The following PTPN4 variants were observed in gnomAD, a reference collection of about 807,000 sequenced individuals.
PTPN4 encodes the protein protein tyrosine phosphatase non-receptor type 4.
PTPN4 carries 49 observed loss-of-function variants against 135.5 expected under a neutral mutation model. That is an observed-to-expected ratio of 0.36 (90% CI 0.29 to 0.46). The LOEUF (loss-of-function observed/expected upper bound fraction) is 0.46. Ranked by LOEUF, PTPN4 falls within the 20% of genes least tolerant of loss-of-function variation. The pLI, the probability that PTPN4 is intolerant of heterozygous loss-of-function variation, is 1.00. For synonymous variants in PTPN4, 333 were observed against 369.9 expected (o/e 0.90, Z 1.14); for missense variants, 860 against 1,101.0 (o/e 0.78, Z 3.10).
At chr2:119,923,881 T>C (rs945683464) in intron 12 of PTPN4, among the ~76,000 whole-genome samples, 1 of 152,086 alleles carries the variant, frequency 6.6e-6, no homozygotes, top group African/African-American at 2.4e-5. Flanking sequence ...CTCACGCCTG[T>C]AATCCCAGCA....
chr2:119,939,735 C>G (rs1403260092), intron 15 of PTPN4, among the ~76,000 whole-genome samples: 1 of 152,180 alleles, frequency 6.6e-6, no homozygotes, highest in African/African-American at 2.4e-5. Context: ...CAAAGCTTTG[C>G]CTTTCCTCCA....
chr2:119,911,042 A>G (rs1666727989), intron 10 of PTPN4, among the ~76,000 whole-genome samples: 4 of 152,086 alleles, frequency 2.6e-5, no homozygotes, highest in Admixed American at 2.6e-4. Flanking sequence ...ATAATTAGAA[A>G]CCTTTTGAAC....
At chr2:119,828,029 A>G (rs1200570939) in intron 2 of PTPN4, among the ~76,000 whole-genome samples, 1 of 152,218 alleles carries the variant, frequency 6.6e-6, no homozygotes, top group Admixed American at 6.5e-5. Context: ...TGTGGCTCCC[A>G]GTCATAAGAA....
At chr2:119,961,072 G>T in intron 23 of PTPN4, 119 bp downstream of exon 23, 16 of 1,214,962 alleles carry the variant, frequency 1.3e-5, no homozygotes, top group South Asian at 5.4e-5. Flanking sequence ...CTTTTCTTGT[G>T]GTTTCTTGTT....
rs1679707736 is a variant in PTPN4, at chr2:119,982,313, G to A, written c.*5243G>A. Reference sequence around the variant, plus strand: ...TTAAAGGAGATAAAATGTTATTTGTGTGTCTTTCATGCTGTAAAGAAAATG... The same window carrying A: ...TTAAAGGAGATAAAATGTTATTTGTATGTCTTTCATGCTGTAAAGAAAATG... On this transcript the variant is annotated 3_prime_UTR_variant, in exon 27 of 27. Transcript: ENST00000263708. 6.6e-6 allele frequency: 1 copy of A among 152,042 alleles called. No homozygotes were observed. 9.4% of individuals were successfully genotyped at this position (152,042 alleles called of 1,614,324 possible).
At chr2:119,931,367 A>T (rs1433866338) in intron 13 of PTPN4, among the ~76,000 whole-genome samples, 1 of 148,446 alleles carries the variant, frequency 6.7e-6, no homozygotes, top group Non-Finnish European at 1.5e-5. Flanking sequence ...AGGGTTTATG[A>T]TCTCTGCATA....
At chr2:119,911,384 A>C (rs1678568767) in intron 10 of PTPN4, among the ~76,000 whole-genome samples, 1 of 152,158 alleles carries the variant, frequency 6.6e-6, no homozygotes, top group African/African-American at 2.4e-5. Flanking sequence ...ATACTGTTAT[A>C]ATAACATAGA....
In PTPN4 at chr2:119,981,110, C is replaced by T. The variant is rs1288565550; in HGVS notation, c.*4040C>T. 1 of 151,934 alleles carries T rather than the reference C, an allele frequency of 6.6e-6. No homozygotes were observed. Among genetic ancestry groups the T allele is most frequent in the East Asian group, 1.9e-4 (1 of 5,198 alleles). The allele number at this position is 151,934 out of a possible 1,614,324, so 9.4% of individuals were successfully genotyped here. Reference sequence around the variant, plus strand: ...TTTGAATTCATAAAAATTGTTTATACCACAATAATGTGGGATATGTTTACA... The same window carrying T: ...TTTGAATTCATAAAAATTGTTTATATCACAATAATGTGGGATATGTTTACA... On this transcript the variant is annotated 3_prime_UTR_variant, in exon 27 of 27. Coordinates refer to ENST00000263708, the MANE Select transcript of PTPN4 (RefSeq NM_002830.4).
intron 1 of PTPN4, among the ~76,000 whole-genome samples, chr2:119,771,097 G>T (rs561788688): frequency 6.6e-5 from 10 of 152,110 alleles, no homozygotes; most frequent in Non-Finnish European, 1.2e-4. Context: ...TGATTACCTT[G>T]AGACTCCCAT....
intron 2 of PTPN4, among the ~76,000 whole-genome samples, chr2:119,844,948 T>G (rs1212605969): frequency 6.6e-6 from 1 of 151,036 alleles, no homozygotes; most frequent in Non-Finnish European, 1.5e-5. Context: ...GCCACTGCAC[T>G]CCAGCCTGGG....
chr2:119,863,991 C>G (rs1378779047), intron 3 of PTPN4, among the ~76,000 whole-genome samples: 1 of 152,080 alleles, frequency 6.6e-6, no homozygotes, highest in Non-Finnish European at 1.5e-5. Context: ...AGAGTTTATT[C>G]AAGTGCAAAG....
At chr2:119,882,347 AAGAATGTT>A (rs1255379434) in intron 7 of PTPN4, among the ~76,000 whole-genome samples, 148 bp from the exon 8 acceptor site, 1 of 152,198 alleles carries the variant, frequency 6.6e-6, no homozygotes, top group Non-Finnish European at 1.5e-5. Flanking sequence ...TGAGACCAAG[AAGAATGTT>A]AAATGGATTG....
chr2:119,784,273 C>CT (rs573937387), intron 1 of PTPN4, among the ~76,000 whole-genome samples: 2,995 of 131,662 alleles, frequency 0.023, 85 homozygotes, highest in South Asian at 0.044. Context: ...TGTAGACTCC[C>CT]TTTTTTTTTT....
intron 2 of PTPN4, among the ~76,000 whole-genome samples, chr2:119,854,536 A>G (rs186151594): frequency 1.3e-5 from 2 of 152,250 alleles, no homozygotes; most frequent in Admixed American, 6.5e-5. Context: ...AGGGGCGTCA[A>G]GTGGGGAAGA....
Position 119,902,479 on chromosome 2 carries a change from C to T in PTPN4, c.764+1673C>T, listed in dbSNP as rs146889337. Among the ~76,000 whole-genome samples, 8 of 152,274 alleles carry T rather than the reference C, an allele frequency of 5.3e-5. No homozygotes were observed. The East Asian group carries it at 1.5e-3, about 29-fold the overall frequency. On this transcript the variant is annotated intron_variant, in intron 10 of 26. Coordinates refer to ENST00000263708, the MANE Select transcript of PTPN4 (RefSeq NM_002830.4). ...AATATAAGACAGGAATCTGGATCTA[C>T]AGAAAGAAAAGAAAGCAGAGAGGGG...
intron 1 of PTPN4, among the ~76,000 whole-genome samples, chr2:119,761,709 A>G (rs1286904719): frequency 6.6e-6 from 1 of 152,182 alleles, no homozygotes. Flanking sequence ...CATAATCTTC[A>G]GTGATTTATA....
At chr2:119,965,080 G>T (rs897595978) in intron 24 of PTPN4, among the ~76,000 whole-genome samples, 1 of 152,108 alleles carries the variant, frequency 6.6e-6, no homozygotes, top group Admixed American at 6.5e-5. Flanking sequence ...TAAGATCGTT[G>T]ATTGGTTGGG....
intron 1 of PTPN4, chr2:119,771,372 T>C (rs1174500441): frequency 6.6e-6 from 1 of 152,198 alleles, no homozygotes; most frequent in Admixed American, 6.5e-5. Context: ...AATAAATAAA[T>C]AAAAGTAGGT....
intron 6 of PTPN4, 83 bp from the exon 7 acceptor site, chr2:119,882,014 A>AGTGT: frequency 7.7e-7 from 1 of 1,291,616 alleles, no homozygotes; most frequent in Non-Finnish European, 1.1e-6. Context: ...TGAAACTTCA[A>AGTGT]GTGTGATTGT....
Sources: gnomAD v4.1 joint callset for allele counts (sites outside exome capture counted in the v4.1 genomes callset) on GRCh38, gnomAD v4.1.1 for gene constraint, MANE v1.5 for transcripts, NCBI Gene and HGNC (gene_info 2026-07-23, HGNC 2026-07-21) for gene names.